The following CSNK1G2 variants were observed in gnomAD, a reference collection of about 807,000 sequenced individuals.
CSNK1G2 encodes casein kinase 1 gamma 2, also known as casein kinase I isoform gamma-2.
CSNK1G2 carries 11 observed loss-of-function variants against 48.0 expected under a neutral mutation model. The ratio of observed to expected loss-of-function variants is 0.23; its 90% CI spans 0.14 to 0.38. The LOEUF is 0.38. CSNK1G2 is among the 10% of genes least tolerant of loss of function. CSNK1G2 has a pLI of 1.00. For synonymous variants in CSNK1G2, 337 were observed against 254.1 expected (o/e 1.33, Z -3.10); for missense variants, 446 against 595.5 (o/e 0.75, Z 2.61).
intron 1 of CSNK1G2, among the ~76,000 whole-genome samples, chr19:1,946,872 A>C (rs1442273091): frequency 6.6e-6 from 1 of 151,858 alleles, no homozygotes. Context: ...CGGCCTCTCA[A>C]AGTGCTGGGA....
At chr19:1,964,113 C>T (rs527693225) in intron 1 of CSNK1G2, among the ~76,000 whole-genome samples, 10 of 152,196 alleles carry the variant, frequency 6.6e-5, no homozygotes, top group South Asian at 6.2e-4. Flanking sequence ...CATGAGCCAC[C>T]GCTCCTGGCC....
chr19:1,975,652 G>A lies in CSNK1G2; in HGVS notation c.188-2653G>A, dbSNP rs113676125. ...CCGAAGGGCAGCGCAGGAAGGACAC[G>A]CAAATGCTGGACTGAACCTGCAGCT... On this transcript the variant is annotated intron_variant, in intron 2 of 11. Coordinates refer to ENST00000255641, the MANE Select transcript of CSNK1G2 (RefSeq NM_001319.7). 3.6e-5 allele frequency: 35 copies of A among 985,452 alleles called. No individual in the cohort carries two copies. The South Asian group carries it at 1.2e-3, about 33-fold the overall frequency. 61.0% of individuals were successfully genotyped at this position (985,452 alleles called of 1,614,324 possible).
Position 1,979,282 on chromosome 19 carries a change from G to T in CSNK1G2, c.768+34G>T, listed in dbSNP as rs751596129. Reference sequence around the variant, plus strand: ...GGAGGCCGGGCAGGCGGGCGGGGACGCAGGGCGGGAGCAAGGCTGACCACA... The same window carrying T: ...GGAGGCCGGGCAGGCGGGCGGGGACTCAGGGCGGGAGCAAGGCTGACCACA... On this transcript the variant is annotated intron_variant, in intron 7 of 11. Coordinates refer to ENST00000255641, the MANE Select transcript of CSNK1G2 (RefSeq NM_001319.7). 5.7e-6 allele frequency: 9 copies of T among 1,570,900 alleles called. No individual in the cohort carries two copies. The East Asian group carries it at 9.4e-5, about 16-fold the overall frequency.
chr19:1,976,893 C>T (rs2015775506), intron 2 of CSNK1G2, among the ~76,000 whole-genome samples: 1 of 152,152 alleles, frequency 6.6e-6, no homozygotes, highest in South Asian at 2.1e-4. Flanking sequence ...GCATGCATCA[C>T]CATGCCAGGC....
At chr19:1,955,811 A>C (rs1599295910) in intron 1 of CSNK1G2, among the ~76,000 whole-genome samples, 1 of 152,272 alleles carries the variant, frequency 6.6e-6, no homozygotes, top group East Asian at 1.9e-4. Context: ...TGTGTGGCTC[A>C]GCTCTGCAGG....
At chr19:1,967,067 G>A (rs1006885291) in intron 1 of CSNK1G2, among the ~76,000 whole-genome samples, 36 of 151,854 alleles carry the variant, frequency 2.4e-4, no homozygotes, top group Non-Finnish European at 1.9e-4. Context: ...TAGACACAAC[G>A]CTACTGCACA....
intron 2 of CSNK1G2, among the ~76,000 whole-genome samples, chr19:1,976,603 G>A (rs1038424230): frequency 1.3e-5 from 2 of 152,214 alleles, no homozygotes; most frequent in Non-Finnish European, 2.9e-5. Context: ...ATGAGGTCAT[G>A]ACTGTGTACA....
chr19:1,979,559 C>T lies in CSNK1G2; in HGVS notation c.918C>T (p.Asp306=), dbSNP rs773311679. 3.7e-6 allele frequency: 6 copies of T among 1,609,068 alleles called. No homozygotes were observed. The highest frequency in any genetic ancestry group is 1.3e-5 in the African/African-American group (1 of 74,830). ...RLDFFEKPDY[D]YLRKLFTDLF... ...ACTTCTTCGAGAAGCCCGACTATGACTACCTGCGGAAGCTCTTCACCGACC... is the reference window on the plus strand; with the variant it reads ...ACTTCTTCGAGAAGCCCGACTATGATTACCTGCGGAAGCTCTTCACCGACC... Residue 306 remains aspartate, a synonymous_variant, in exon 9 of 12, where the codon GAC becomes GAT. Coordinates refer to ENST00000255641, the MANE Select transcript of CSNK1G2 (RefSeq NM_001319.7).
At position 1,957,045 on chromosome 19, in the gene CSNK1G2, G is replaced by A. The variant is rs117698860; in HGVS notation, c.-265-12463G>A. On this transcript the variant is annotated intron_variant, in intron 1 of 11. Coordinates refer to ENST00000255641, the MANE Select transcript of CSNK1G2 (RefSeq NM_001319.7). This position sits in a 1 kb window ranked among gnomAD's most constrained non-coding sequence, Gnocchi z 5.4. ...GCTGGTGGTGGCGCCCCCCTTCGAC[G>A]GTCGTGCCCTGATGCTGCGTGGCTT... Among the ~76,000 whole-genome samples the A allele has an allele frequency of 1.7e-3, 253 of 152,286 alleles. 2 individuals are homozygous for A. The East Asian group carries it at 0.044, about 27-fold the overall frequency.
At chr19:1,951,844 C>A (rs1490765519) in intron 1 of CSNK1G2, among the ~76,000 whole-genome samples, 1 of 151,498 alleles carries the variant, frequency 6.6e-6, no homozygotes, top group East Asian at 2.0e-4. Context: ...CCACAGCTGG[C>A]TAATTTTTTG....
At chr19:1,963,460 C>T (rs2015266584) in intron 1 of CSNK1G2, among the ~76,000 whole-genome samples, 1 of 152,062 alleles carries the variant, frequency 6.6e-6, no homozygotes, top group Non-Finnish European at 1.5e-5. Context: ...GATCCCCCTG[C>T]CTCGGCCTCC....
In CSNK1G2 at chr19:1,978,966, C is replaced by T. The variant is rs1360215069; in HGVS notation, c.555C>T (p.His185=). 6.2e-7 allele frequency: 1 copy of T among 1,600,788 alleles called. No homozygotes were observed. The highest frequency in any genetic ancestry group is 8.5e-7 in the Non-Finnish European group (1 of 1,179,694). ...GGACCAAGCGGCAGCATGCCATCCACATCATCGACTTCGGGCTGGCCAAGG... is the reference window on the plus strand; with the variant it reads ...GGACCAAGCGGCAGCATGCCATCCATATCATCGACTTCGGGCTGGCCAAGG... The part of the protein sequence containing the change: ...RPGTKRQHAI[H]IIDFGLAKEY... Residue 185 remains histidine, a synonymous_variant, in exon 6 of 12, where the codon CAC becomes CAT. Transcript: ENST00000255641. The surrounding 1 kb of genome is among the most constrained non-coding windows in gnomAD (Gnocchi z 7.3).
chr19:1,969,252 G>A (rs4807184), intron 1 of CSNK1G2, among the ~76,000 whole-genome samples: 3,234 of 28,686 alleles, frequency 0.11, 66 homozygotes, highest in Admixed American at 0.27. Flanking sequence ...CACCCATCCC[G>A]CTTTACAGAA....
At chr19:1,954,125 T>TACA in intron 1 of CSNK1G2, 1 of 389,208 alleles carries the variant, frequency 2.6e-6, no homozygotes, top group Non-Finnish European at 5.4e-6. Context: ...TTGCACCTGA[T>TACA]GCGTTAAACC....
At chr19:1,967,353 C>T (rs929591328) in intron 1 of CSNK1G2, among the ~76,000 whole-genome samples, 1 of 152,154 alleles carries the variant, frequency 6.6e-6, no homozygotes, top group African/African-American at 2.4e-5. Context: ...TACGTCCTGC[C>T]GGTTGGCAGG....
intron 2 of CSNK1G2, chr19:1,976,259 C>A: frequency 4.3e-6 from 2 of 470,000 alleles, no homozygotes; most frequent in South Asian, 1.9e-5. Flanking sequence ...GGGGACCAGC[C>A]CTGGTCCCCG....
Position 1,980,020 on chromosome 19 carries a change from A to G in CSNK1G2, c.1193+3A>G. ...GTGGAGGTGGCCGATGAAACCAAGT[A>G]AGGCTCTGGGGCGGTGCCTTCGGGG... On this transcript the variant is annotated splice_donor_region_variant and intron_variant, in intron 11 of 11. Transcript: ENST00000255641. 1.3e-6 allele frequency: 2 copies of G among 1,578,552 alleles called. No individual in the cohort carries two copies. The highest frequency in any genetic ancestry group is 1.7e-6 in the Non-Finnish European group (2 of 1,162,048).
Position 1,980,471 on chromosome 19 carries a change from AG to A in CSNK1G2, c.*270del, listed in dbSNP as rs2015948142. 3.9e-6 allele frequency: 2 copies of A among 510,700 alleles called. No homozygotes were observed. The highest frequency in any genetic ancestry group is 7.1e-5 in the East Asian group (2 of 28,202). The allele number at this position is 510,700 out of a possible 1,614,324, so 31.6% of individuals were successfully genotyped here. On this transcript the variant is annotated 3_prime_UTR_variant, in exon 12 of 12. Coordinates refer to ENST00000255641, the MANE Select transcript of CSNK1G2 (RefSeq NM_001319.7). ...ATTAACTATTTAAAACAAGGAAAAG[AG>A]GAAAAAAAAAACAGAGGCCCGCCCT... is the stretch of plus-strand genomic sequence containing the variant.
At chr19:1,975,208 A>G in intron 2 of CSNK1G2, 1 of 985,480 alleles carries the variant, frequency 1.0e-6, no homozygotes, top group African/African-American at 1.7e-5. Context: ...GAGGCCAGCC[A>G]GGCTGGGGAG....
Sources: allele counts gnomAD v4.1 joint callset (sites outside exome capture counted in the v4.1 genomes callset), GRCh38; gene constraint gnomAD v4.1.1; non-coding constraint Gnocchi (gnomAD v3.1); transcripts MANE v1.5; gene names NCBI Gene and HGNC (gene_info 2026-07-23, HGNC 2026-07-21).